The following RNF168 variants were observed in gnomAD, a reference collection of about 807,000 sequenced individuals.
The protein encoded by RNF168 is E3 ubiquitin-protein ligase RNF168.
RNF168 carries 34 observed loss-of-function variants against 34.9 expected under a neutral mutation model. The observed-to-expected ratio is 0.97, with a 90% CI of 0.74 to 1.30. The LOEUF (loss-of-function observed/expected upper bound fraction) is 1.30, where lower values mean the gene tolerates loss of function less well. Among genes scored for constraint, RNF168 ranks in the 50% most tolerant of loss-of-function variants. The pLI is 0.00. For synonymous variants in RNF168, 264 were observed against 254.7 expected, an observed-to-expected ratio of 1.04 and a Z score of -0.35; for missense variants, 725 against 682.5, an observed-to-expected ratio of 1.06 and a Z score of -0.69.
intron 1 of RNF168, among the ~76,000 whole-genome samples, chr3:196,494,248 C>G (rs1266914644): frequency 6.6e-6 from 1 of 152,178 alleles, no homozygotes; most frequent in Non-Finnish European, 1.5e-5. Context: ...CTGTTGGAAA[C>G]AACTCTCGAC....
At position 196,486,388 on chromosome 3, in the gene RNF168, G is replaced by A. The variant is rs1732425015; in HGVS notation, c.558+1011C>T. Among the ~76,000 whole-genome samples, 3 of 152,022 alleles carry A rather than the reference G, an allele frequency of 2.0e-5. No homozygotes were observed. In the South Asian group the frequency reaches 6.2e-4, roughly 32 times the overall value. ...TTGAGATGGTCTTCCAGGTTGAAGT[G>A]CAGTGGCGAGATCAGCTCACTGTAA... On this transcript the variant is annotated intron_variant, in intron 3 of 5. Transcript: ENST00000318037.
intron 1 of RNF168, among the ~76,000 whole-genome samples, chr3:196,495,207 T>G (rs184395245): frequency 1.4e-3 from 218 of 152,194 alleles, no homozygotes; most frequent in African/African-American, 5.1e-3. Flanking sequence ...TCTGAACCAT[T>G]TGAAAGTTGC....
At chr3:196,484,171 C>CTTTTTT (rs71699491) in intron 3 of RNF168, among the ~76,000 whole-genome samples, 7,917 of 119,300 alleles carry the variant, frequency 0.066, 782 homozygotes, top group African/African-American at 0.16. Context: ...TCTTTCTTTC[C>CTTTTTT]TTTTTTTTTT....
chr3:196,500,872 C>T (rs1305565371), intron 1 of RNF168, among the ~76,000 whole-genome samples: 3 of 151,664 alleles, frequency 2.0e-5, no homozygotes, highest in East Asian at 1.9e-4. Context: ...CCAACATGCC[C>T]GGCTAATTTT....
intron 1 of RNF168, among the ~76,000 whole-genome samples, chr3:196,499,842 G>A (rs1188030755): frequency 1.3e-5 from 2 of 152,176 alleles, no homozygotes; most frequent in Admixed American, 1.3e-4. Context: ...CACAGGATTT[G>A]AATAGATATT....
chr3:196,496,506 G>T (rs1732746775), intron 1 of RNF168, among the ~76,000 whole-genome samples: 1 of 152,034 alleles, frequency 6.6e-6, no homozygotes, highest in Non-Finnish European at 1.5e-5. Flanking sequence ...ATGGATTAGG[G>T]CCCATTCTAA....
rs1732954742 is a variant in RNF168, at chr3:196,503,426, A to C, written c.-253T>G. 9.7e-6 allele frequency: 5 copies of C among 514,406 alleles called. No individual in the cohort carries two copies. The highest frequency in any genetic ancestry group is 4.1e-5 in the South Asian group (2 of 48,650). The allele number at this position is 514,406 out of a possible 1,614,324, so 31.9% of individuals were successfully genotyped here. On this transcript the variant is annotated 5_prime_UTR_variant, in exon 1 of 6. Transcript: ENST00000318037. ...AGGCAAACGTCCCGCCAGCAAATAAATGCAGGTTTTCGTCGGAGGAGCCTG... is the reference window on the plus strand; with the variant it reads ...AGGCAAACGTCCCGCCAGCAAATAACTGCAGGTTTTCGTCGGAGGAGCCTG...
In RNF168 at chr3:196,471,435, T is replaced by C. The variant is rs1732003833; in HGVS notation, c.*384A>G. ...GATTTTAAACCCTGCATGGGTTCCT[T>C]AATCACTCAGAATAGTATAATCTTG... On this transcript the variant is annotated 3_prime_UTR_variant, in exon 6 of 6. Coordinates refer to ENST00000318037, the MANE Select transcript of RNF168 (RefSeq NM_152617.4). The C allele has an allele frequency of 5.3e-6, 1 of 187,696 alleles. No individual in the cohort carries two copies. Among genetic ancestry groups the C allele is most frequent in the Non-Finnish European group, 1.1e-5 (1 of 89,582 alleles). The allele number at this position is 187,696 out of a possible 1,614,324, so 11.6% of individuals were successfully genotyped here.
chr3:196,492,848 T>C (rs1322797715), intron 1 of RNF168, among the ~76,000 whole-genome samples: 5 of 151,956 alleles, frequency 3.3e-5, no homozygotes, highest in Admixed American at 2.6e-4. Flanking sequence ...AAGCATATGA[T>C]TAGTGAAATA....
intron 1 of RNF168, among the ~76,000 whole-genome samples, chr3:196,495,827 C>T (rs1445700814): frequency 1.3e-5 from 2 of 152,174 alleles, no homozygotes; most frequent in South Asian, 4.1e-4. Context: ...CAGTGACAGT[C>T]GCAAACAGAA....
intron 1 of RNF168, among the ~76,000 whole-genome samples, chr3:196,496,911 G>A (rs922767833): frequency 2.6e-5 from 4 of 152,176 alleles, no homozygotes; most frequent in Non-Finnish European, 4.4e-5. Context: ...TTGGAAGGTC[G>A]AGGCAGGAGT....
intron 5 of RNF168, among the ~76,000 whole-genome samples, chr3:196,473,884 T>G (rs1040129229): frequency 6.6e-6 from 1 of 152,094 alleles, no homozygotes; most frequent in Non-Finnish European, 1.5e-5. Context: ...GGGACTTCTA[T>G]AAGTTACTTC....
intron 3 of RNF168, among the ~76,000 whole-genome samples, chr3:196,487,102 T>C (rs1432289441): frequency 6.6e-6 from 1 of 152,198 alleles, no homozygotes; most frequent in African/African-American, 2.4e-5. Context: ...TATGTAACAA[T>C]ATGCAAAACA....
intron 1 of RNF168, among the ~76,000 whole-genome samples, chr3:196,501,931 C>T (rs1322075774): frequency 6.6e-6 from 1 of 151,668 alleles, no homozygotes; most frequent in Non-Finnish European, 1.5e-5. Context: ...GGTCTGCGAG[C>T]ATTTGAATAA....
intron 1 of RNF168, among the ~76,000 whole-genome samples, chr3:196,491,602 C>T (rs761937978): frequency 4.6e-5 from 7 of 152,094 alleles, no homozygotes; most frequent in Admixed American, 2.0e-4. Context: ...GCCGAGATCA[C>T]GCCACTGCAC....
At chr3:196,473,959 A>G (rs1217502962) in intron 5 of RNF168, among the ~76,000 whole-genome samples, 3 of 152,126 alleles carry the variant, frequency 2.0e-5, no homozygotes, top group African/African-American at 7.2e-5. Context: ...ATTGTTTGTT[A>G]TAAGAAATAA....
intron 1 of RNF168, among the ~76,000 whole-genome samples, chr3:196,500,915 G>C (rs929992165): frequency 1.3e-5 from 2 of 151,990 alleles, no homozygotes; most frequent in Admixed American, 6.6e-5. Context: ...GTTTCACCGT[G>C]TTAGCCAGGA....
Position 196,503,314 on chromosome 3 carries a change from G to A in RNF168, c.-141C>T. 9.1e-6 allele frequency: 7 copies of A among 769,272 alleles called. No homozygotes were observed. The South Asian group carries it at 1.0e-4, about 11-fold the overall frequency. The allele number at this position is 769,272 out of a possible 1,614,324, so 47.7% of individuals were successfully genotyped here. On this transcript the variant is annotated 5_prime_UTR_variant, in exon 1 of 6. Transcript: ENST00000318037. Reference sequence around the variant, plus strand: ...GCGTATCAGAATTCGGAGAACAGGAGCATCCAACACGTCTTGAAGCAAAAA... The same window carrying A: ...GCGTATCAGAATTCGGAGAACAGGAACATCCAACACGTCTTGAAGCAAAAA...
chr3:196,500,602 C>T (rs1261435149), intron 1 of RNF168, among the ~76,000 whole-genome samples: 1 of 152,264 alleles, frequency 6.6e-6, no homozygotes, highest in Middle Eastern at 3.4e-3. Flanking sequence ...GCAGTGTGAA[C>T]GGAGGCGATG....
Sources: allele counts gnomAD v4.1 joint callset (sites outside exome capture counted in the v4.1 genomes callset), GRCh38; gene constraint gnomAD v4.1.1; transcripts MANE v1.5; gene names NCBI Gene and HGNC (gene_info 2026-07-23, HGNC 2026-07-21).